The following GLI2 variants were observed in gnomAD, a reference collection of about 807,000 sequenced individuals.
GLI2 encodes transcription activator GLI2.
GLI2 carries 22 observed loss-of-function variants against 78.9 expected under a neutral mutation model. The observed-to-expected ratio is 0.28, with a 90% CI of 0.20 to 0.40. GLI2 has a LOEUF of 0.40. GLI2 is among the 10% of genes least tolerant of loss of function. The pLI is 1.00. For missense variants in GLI2, 2,097 were observed against 2,213.2 expected (o/e 0.95, Z 1.05); for synonymous variants, 974 against 963.7 (o/e 1.01, Z -0.20).
intron 2 of GLI2, among the ~76,000 whole-genome samples, chr2:120,906,925 GC>G (rs1367219340): frequency 6.6e-6 from 1 of 152,050 alleles, no homozygotes; most frequent in Non-Finnish European, 1.5e-5. Context: ...CCTGGTAGAG[GC>G]CCTCCATCTG....
At chr2:120,824,456 G>T (rs1236744892) in intron 2 of GLI2, among the ~76,000 whole-genome samples, 4 of 152,228 alleles carry the variant, frequency 2.6e-5, no homozygotes, top group African/African-American at 9.6e-5. Context: ...TGATCCTCAG[G>T]CCCACCCTCT....
intron 2 of GLI2, among the ~76,000 whole-genome samples, chr2:120,921,248 G>A (rs972261523): frequency 1.3e-5 from 2 of 150,856 alleles, no homozygotes; most frequent in African/African-American, 2.5e-5. Flanking sequence ...GTGTGTGCAC[G>A]TGTGTGCATG....
At chr2:120,895,578 C>CT (rs1677902507) in intron 2 of GLI2, among the ~76,000 whole-genome samples, 1 of 152,082 alleles carries the variant, frequency 6.6e-6, no homozygotes, top group Admixed American at 6.5e-5. Context: ...TGACATGGGC[C>CT]TGTAATCCCA....
chr2:120,988,787 C>A lies in GLI2; in HGVS notation c.2822C>A (p.Pro941His). Residue 941 changes from proline (P) to histidine (H), a missense_variant, in exon 14 of 14, where the codon CCC (proline) becomes CAC (histidine). By Grantham distance (77) the Pro-to-His change is moderately conservative (BLOSUM62 -2). Around this residue, in one of 5 missense-constraint regions of GLI2, gnomAD observed 1,290 missense variants for 1,261.7 expected, o/e 1.02. Transcript: ENST00000361492. ...HGHAGAAPAFPHEAPGGGARR... is the reference protein window; with the variant it reads ...HGHAGAAPAFHHEAPGGGARR... ...CACGCGGGGGCTGCGCCCGCCTTCCCCCACGAGGCTCCAGGCGGCGGAGCC... is the reference window on the plus strand; with the variant it reads ...CACGCGGGGGCTGCGCCCGCCTTCCACCACGAGGCTCCAGGCGGCGGAGCC... 3 of 1,359,504 alleles carry A rather than the reference C, an allele frequency of 2.2e-6. No homozygotes were observed. Among genetic ancestry groups the A allele is most frequent in the Non-Finnish European group, 2.8e-6 (3 of 1,055,928 alleles). The allele number at this position is 1,359,504 out of a possible 1,614,324, so 84.2% of individuals were successfully genotyped here.
In GLI2 at chr2:120,800,070, C is replaced by T. The variant is rs1573394329; in HGVS notation, c.148+2602C>T. Among the ~76,000 whole-genome samples the T allele has an allele frequency of 1.3e-5, 2 of 152,216 alleles. No individual in the cohort carries two copies. Among genetic ancestry groups the T allele is most frequent in the African/African-American group, 2.4e-5 (1 of 41,530 alleles). Reference sequence around the variant, plus strand: ...GGAGGAAGTCTTCATGGGCCAGAAGCGTTTGCTGCAGCCACTGAGGAGTTG... The same window carrying T: ...GGAGGAAGTCTTCATGGGCCAGAAGTGTTTGCTGCAGCCACTGAGGAGTTG... On this transcript the variant is annotated intron_variant, in intron 2 of 13. Transcript: ENST00000361492. The surrounding 1 kb of genome is among the most constrained non-coding windows in gnomAD (Gnocchi z 4.1).
At chr2:120,851,419 G>A (rs71424363) in intron 2 of GLI2, among the ~76,000 whole-genome samples, 18,536 of 152,334 alleles carry the variant, frequency 0.12, 1,338 homozygotes, top group Non-Finnish European at 0.16. Flanking sequence ...CCCAGGGCCA[G>A]GGGACTGGAG....
At chr2:120,780,655 C>T (rs1019459199) in intron 1 of GLI2, among the ~76,000 whole-genome samples, 2 of 152,216 alleles carry the variant, frequency 1.3e-5, no homozygotes, top group African/African-American at 2.4e-5. Flanking sequence ...CTGTCCACTA[C>T]ACTACAGACA....
intron 1 of GLI2, among the ~76,000 whole-genome samples, chr2:120,784,027 C>T (rs1404675046): frequency 6.6e-6 from 1 of 152,296 alleles, no homozygotes; most frequent in African/African-American, 2.4e-5. Flanking sequence ...GTTAAACATC[C>T]CGTTACCAGC....
chr2:120,975,144 G>C (rs1052589331), intron 9 of GLI2, 35 bp downstream of exon 9: 3 of 1,609,988 alleles, frequency 1.9e-6, no homozygotes, highest in African/African-American at 2.7e-5. Flanking sequence ...CGCCAACCGG[G>C]GCACGGCCCA....
At chr2:120,826,430 C>T (rs901342127) in intron 2 of GLI2, among the ~76,000 whole-genome samples, 1 of 152,204 alleles carries the variant, frequency 6.6e-6, no homozygotes, top group Non-Finnish European at 1.5e-5. Context: ...AGCCAGCCCC[C>T]TCCCTCTGCT....
chr2:120,807,511 G>A (rs1171033278), intron 2 of GLI2, among the ~76,000 whole-genome samples: 1 of 152,136 alleles, frequency 6.6e-6, no homozygotes, highest in Non-Finnish European at 1.5e-5. Flanking sequence ...ATATTTGAGA[G>A]AGCAAATGAA....
intron 1 of GLI2, among the ~76,000 whole-genome samples, chr2:120,745,669 A>T (rs940105670): frequency 7.9e-5 from 12 of 152,118 alleles, no homozygotes; most frequent in African/African-American, 2.9e-4. Flanking sequence ...TGCACTGCAG[A>T]CTTCATTTGC....
intron 1 of GLI2, among the ~76,000 whole-genome samples, chr2:120,752,273 T>C (rs1480189060): frequency 6.9e-6 from 1 of 144,744 alleles, no homozygotes. Context: ...TCTTTAATTT[T>C]TTTTTTTTTT....
intron 2 of GLI2, among the ~76,000 whole-genome samples, chr2:120,828,336 C>T (rs897432166): frequency 6.6e-6 from 1 of 152,210 alleles, no homozygotes. Context: ...AGCCCCTGCC[C>T]GGAGACTCCG....
intron 1 of GLI2, among the ~76,000 whole-genome samples, chr2:120,778,035 G>A (rs182624417): frequency 4.6e-5 from 7 of 152,236 alleles, no homozygotes; most frequent in Admixed American, 3.9e-4. Context: ...GGTTGGCAGC[G>A]TGCAGCTGGC....
At chr2:120,834,934 C>G (rs1289603347) in intron 2 of GLI2, among the ~76,000 whole-genome samples, 1 of 152,152 alleles carries the variant, frequency 6.6e-6, no homozygotes, top group African/African-American at 2.4e-5. Flanking sequence ...CTGGGCTAAA[C>G]CCACATGGGT....
chr2:120,922,950 G>A (rs990665029), intron 2 of GLI2, among the ~76,000 whole-genome samples: 9 of 152,052 alleles, frequency 5.9e-5, no homozygotes, highest in Non-Finnish European at 1.3e-4. Context: ...GACAACAGAC[G>A]GCAGGCCCCA....
chr2:120,954,114 A>G (rs773586339), intron 4 of GLI2, among the ~76,000 whole-genome samples: 1 of 152,164 alleles, frequency 6.6e-6, no homozygotes, highest in African/African-American at 2.4e-5. Context: ...AGGATGGCAG[A>G]TTAGGCTCAA....
chr2:120,977,978 G>C (rs571690535), intron 9 of GLI2, among the ~76,000 whole-genome samples: 2 of 152,318 alleles, frequency 1.3e-5, no homozygotes, highest in Admixed American at 6.5e-5. Flanking sequence ...GCTTAGGAGA[G>C]GCTTCTCATG....
Sources: allele counts gnomAD v4.1 joint callset (sites outside exome capture counted in the v4.1 genomes callset), GRCh38; gene constraint gnomAD v4.1.1; regional missense constraint gnomAD v4.1.1; non-coding constraint Gnocchi (gnomAD v3.1); transcripts MANE v1.5; gene names NCBI Gene and HGNC (gene_info 2026-07-23, HGNC 2026-07-21).